The following NBEAL1 variants were observed in gnomAD, a reference collection of about 807,000 sequenced individuals.
The protein encoded by NBEAL1 is neurobeachin like 1, also known as neurobeachin-like protein 1.
NBEAL1 carries 273 observed loss-of-function variants against 351.3 expected under a neutral mutation model. That is an observed-to-expected ratio of 0.78 (90% CI 0.70 to 0.86). The LOEUF is 0.86. Among genes scored for constraint, NBEAL1 ranks in the 40% least tolerant of loss-of-function variants. The pLI is 0.00. For missense variants in NBEAL1, 2,961 were observed against 3,201.3 expected (o/e 0.92, Z 1.81); for synonymous variants, 1,050 against 1,086.4 (o/e 0.97, Z 0.66).
At chr2:203,054,742 T>C (rs1386727209) in intron 4 of NBEAL1, among the ~76,000 whole-genome samples, 10 of 152,234 alleles carry the variant, frequency 6.6e-5, no homozygotes. Context: ...GATAATATTG[T>C]CTTTCTTCTC....
intron 16 of NBEAL1, among the ~76,000 whole-genome samples, 197 bp downstream of exon 16, chr2:203,112,295 A>C (rs1379624687): frequency 6.6e-6 from 1 of 152,242 alleles, no homozygotes; most frequent in Non-Finnish European, 1.5e-5. Flanking sequence ...CAATGTGAAA[A>C]AAGGAAAACA....
intron 2 of NBEAL1, among the ~76,000 whole-genome samples, chr2:203,026,584 G>A (rs923080819): frequency 6.7e-6 from 1 of 149,080 alleles, no homozygotes; most frequent in African/African-American, 2.5e-5. Flanking sequence ...GTGTGATCTC[G>A]GCTCACTGCA....
chr2:203,171,863 A>G (rs2064330153), intron 39 of NBEAL1, 65 bp from the exon 40 acceptor site: 1 of 782,904 alleles, frequency 1.3e-6, no homozygotes, highest in Non-Finnish European at 2.0e-6. Flanking sequence ...TGTCAGTAAT[A>G]GCTACCAATG....
In NBEAL1 at chr2:203,223,805, C is replaced by A. The variant is rs1167890221; in HGVS notation, c.*6451C>A. On this transcript the variant is annotated 3_prime_UTR_variant, in exon 56 of 56. Transcript: ENST00000683969. ...ATGTTTTACAATTTAGTGGGATGAA[C>A]CTACAAATTCATAAATGCTTCTCTT... Among the ~76,000 whole-genome samples the A allele has an allele frequency of 2.6e-5, 4 of 151,952 alleles. No homozygotes were observed. Among genetic ancestry groups the A allele is most frequent in the African/African-American group, 9.7e-5 (4 of 41,424 alleles).
chr2:203,016,633 A>G (rs1252444752), intron 2 of NBEAL1, among the ~76,000 whole-genome samples, 198 bp downstream of exon 2: 1 of 152,198 alleles, frequency 6.6e-6, no homozygotes, highest in African/African-American at 2.4e-5. Flanking sequence ...CATACTGTTA[A>G]AAACTGTAGG....
Position 203,016,434 on chromosome 2 carries a change from A to G in NBEAL1, c.50A>G (p.Lys17Arg). 1 of 1,447,472 alleles carries G rather than the reference A, an allele frequency of 6.9e-7. No homozygotes were observed. The highest frequency in any genetic ancestry group is 2.6e-5 in the East Asian group (1 of 39,148). The allele number at this position is 1,447,472 out of a possible 1,614,324, so 89.7% of individuals were successfully genotyped here. Residue 17 changes from lysine to arginine, a missense_variant and splice_region_variant, in exon 2 of 56, where the codon AAG (lysine) becomes AGG (arginine). Physicochemically the swap from Lys to Arg is conservative, Grantham distance 26. Coordinates refer to ENST00000683969, the MANE Select transcript of NBEAL1 (RefSeq NM_001378026.1). The stretch of plus-strand genomic sequence containing the variant: ...GAACTTTGGATGCTTTATTGTACAA[A>G]GGTAATTGCTTTCCTTTTTATTTTT... ...LFELWMLYCT[K>R]KDPDYLKLWL...
chr2:203,105,106 C>G (rs1574974754), intron 12 of NBEAL1, among the ~76,000 whole-genome samples: 1 of 151,982 alleles, frequency 6.6e-6, no homozygotes, highest in Non-Finnish European at 1.5e-5. Context: ...ATCTACCCCC[C>G]TCAGCCTCCC....
rs554722650 is a variant in NBEAL1, at chr2:203,033,039, C to T, written c.52-8726C>T. On this transcript the variant is annotated intron_variant, in intron 2 of 55. Transcript: ENST00000683969. ...TTTTTGAGACGGAGTCTCGCTCTGT[C>T]GCCCAGGCTGGAGTGCAGTGGCGCG... is the stretch of plus-strand genomic sequence containing the variant. Among the ~76,000 whole-genome samples the T allele has an allele frequency of 2.5e-4, 38 of 150,774 alleles. 1 individual carries two copies. The South Asian group carries it at 4.8e-3, about 19-fold the overall frequency.
At chr2:203,061,784 T>C (rs1238246493) in intron 6 of NBEAL1, 1 of 162,782 alleles carries the variant, frequency 6.1e-6, no homozygotes, top group East Asian at 1.9e-4. Context: ...TCTGGAATAA[T>C]TGAAGTCTTT....
chr2:203,015,350 C>T (rs2060659843), intron 1 of NBEAL1, among the ~76,000 whole-genome samples: 1 of 152,146 alleles, frequency 6.6e-6, no homozygotes, highest in Non-Finnish European at 1.5e-5. Context: ...GTGGAGAGGC[C>T]AGGTGGGCGG....
chr2:203,204,222 C>G (rs2065484989), intron 51 of NBEAL1, among the ~76,000 whole-genome samples: 1 of 148,982 alleles, frequency 6.7e-6, no homozygotes, highest in East Asian at 2.0e-4. Context: ...CCACCGCACC[C>G]GGCCCCATAC....
intron 42 of NBEAL1, 130 bp from the exon 43 acceptor site, chr2:203,180,252 C>A: frequency 1.5e-6 from 1 of 666,654 alleles, no homozygotes. Context: ...TACATGTAGG[C>A]ATTAAAGAGG....
rs1213156420 is a variant in NBEAL1 at position 203,157,627 on chromosome 2, G to T, written c.5588-72G>T. 2.6e-6 allele frequency: 3 copies of T among 1,164,888 alleles called. No homozygotes were observed. The African/African-American group carries it at 4.7e-5, about 18-fold the overall frequency. The allele number at this position is 1,164,888 out of a possible 1,614,324, so 72.2% of individuals were successfully genotyped here. A position where few individuals can be genotyped will look rare whatever the true frequency, so the allele number is the denominator to read the frequency against. ...CTAACAGTCAGGAACACAATTAGCA[G>T]TCAGAAATTACAGAAAGGCTATAAT... is the stretch of plus-strand genomic sequence containing the variant. On this transcript the variant is annotated intron_variant, in intron 35 of 55. Transcript: ENST00000683969.
chr2:203,213,518 C>T lies in NBEAL1; in HGVS notation c.7935C>T (p.Ser2645=). The T allele has an allele frequency of 6.2e-7, 1 of 1,607,626 alleles. No individual in the cohort carries two copies. Among genetic ancestry groups the T allele is most frequent in the Non-Finnish European group, 8.5e-7 (1 of 1,177,178 alleles). Residue 2645 remains serine, a splice_region_variant and synonymous_variant, in exon 55 of 56, where the codon AGC becomes AGT. Coordinates refer to ENST00000683969, the MANE Select transcript of NBEAL1 (RefSeq NM_001378026.1). ...TCTGTATTTTTTATTTCTTTTCTAG[C>T]TTGAATCTCAGCATCAACCCATTAG... The part of the protein sequence containing the change: ...QGFLSIRDLH[S]LNLSINPLAM...
At chr2:203,040,654 A>G (rs2061125995) in intron 2 of NBEAL1, 1 of 652,336 alleles carries the variant, frequency 1.5e-6, no homozygotes, top group Non-Finnish European at 2.8e-6. Context: ...GTTTGGTGAC[A>G]TTTGCTTGGA....
chr2:203,122,204 T>C, intron 18 of NBEAL1, 50 bp from the exon 19 acceptor site: 1 of 1,071,766 alleles, frequency 9.3e-7, no homozygotes, highest in South Asian at 1.5e-5. Context: ...GTGGTTAAAT[T>C]TATGTTTTGT....
intron 7 of NBEAL1, among the ~76,000 whole-genome samples, chr2:203,072,307 T>G (rs1041531622): frequency 6.6e-6 from 1 of 152,166 alleles, no homozygotes; most frequent in Non-Finnish European, 1.5e-5. Context: ...TATCCATTCC[T>G]GGCCTCACTG....
At chr2:203,163,773 C>A (rs2064042216) in intron 36 of NBEAL1, among the ~76,000 whole-genome samples, 1 of 152,104 alleles carries the variant, frequency 6.6e-6, no homozygotes, top group African/African-American at 2.4e-5. Flanking sequence ...AAATATACCA[C>A]AATTTCTTTA....
chr2:203,216,983 C>T (rs2065904255), intron 55 of NBEAL1, among the ~76,000 whole-genome samples: 1 of 151,964 alleles, frequency 6.6e-6, no homozygotes, highest in Non-Finnish European at 1.5e-5. Context: ...TTTGTATCTT[C>T]AGTAGAGACG....
Sources: gnomAD v4.1 joint callset for allele counts (sites outside exome capture counted in the v4.1 genomes callset) on GRCh38, gnomAD v4.1.1 for gene constraint, MANE v1.5 for transcripts, NCBI Gene and HGNC (gene_info 2026-07-23, HGNC 2026-07-21) for gene names.